VRK2: variants seen among roughly 807,000 people sequenced by gnomAD.
The protein encoded by VRK2 is VRK serine/threonine kinase 2.
A neutral mutation model predicts 57.6 loss-of-function variants in VRK2; 60 were observed. The observed-to-expected ratio is 1.04, with a 90% CI of 0.85 to 1.29. The LOEUF is 1.29. Among genes scored for constraint, VRK2 ranks in the 50% most tolerant of loss-of-function variants. The probability of loss-of-function intolerance (pLI) is 0.00; values close to 1 mark genes in which losing one functional copy is unlikely to be tolerated. For synonymous variants in VRK2, 231 were observed against 199.2 expected, an observed-to-expected ratio of 1.16 and a Z score of -1.35; for missense variants, 705 against 588.1, an observed-to-expected ratio of 1.20 and a Z score of -2.06.
At chr2:58,135,906 T>C (rs1171654984) in intron 10 of VRK2, among the ~76,000 whole-genome samples, 1 of 152,216 alleles carries the variant, frequency 6.6e-6, no homozygotes, top group Non-Finnish European at 1.5e-5. Context: ...AAAAAGCCAG[T>C]GCCCACTATC....
At chr2:58,140,706 G>A (rs1448072036) in intron 11 of VRK2, among the ~76,000 whole-genome samples, 1 of 151,986 alleles carries the variant, frequency 6.6e-6, no homozygotes, top group Non-Finnish European at 1.5e-5. Context: ...GTTCTGATTT[G>A]CTGAATTTTG....
intron 1 of VRK2, among the ~76,000 whole-genome samples, chr2:57,951,494 C>A (rs1671425641): frequency 6.6e-6 from 1 of 152,124 alleles, no homozygotes; most frequent in Non-Finnish European, 1.5e-5. Context: ...AGGATTGACT[C>A]CAATTTTGAA....
chr2:58,065,149 T>C (rs1357602695), intron 2 of VRK2, among the ~76,000 whole-genome samples: 1 of 151,798 alleles, frequency 6.6e-6, no homozygotes, highest in Non-Finnish European at 1.5e-5. Context: ...TCTTTTTTCT[T>C]ATTTATAAAA....
At chr2:58,076,859 A>G (rs1035630891) in intron 2 of VRK2, among the ~76,000 whole-genome samples, 8 of 151,866 alleles carry the variant, frequency 5.3e-5, no homozygotes, top group Admixed American at 2.0e-4. Flanking sequence ...TGTAACTTTT[A>G]ATTTTTAAAT....
chr2:57,940,005 G>A (rs2678892), intron 1 of VRK2, among the ~76,000 whole-genome samples: 96,351 of 151,428 alleles, frequency 0.64, 30,761 homozygotes, highest in African/African-American at 0.72. Context: ...AATTGTTCTC[G>A]AAATAGAAAT....
At chr2:57,928,463 G>C (rs1670614253) in intron 1 of VRK2, among the ~76,000 whole-genome samples, 1 of 151,938 alleles carries the variant, frequency 6.6e-6, no homozygotes, top group Non-Finnish European at 1.5e-5. Flanking sequence ...ATTTAATTGA[G>C]TTTCCTCAAA....
At chr2:58,106,093 C>A (rs887652459) in intron 7 of VRK2, among the ~76,000 whole-genome samples, 1 of 151,858 alleles carries the variant, frequency 6.6e-6, no homozygotes, top group Non-Finnish European at 1.5e-5. Context: ...TTCCCTCTTC[C>A]ATTGCTTTTT....
At chr2:58,066,905 G>A (rs1461224076) in intron 2 of VRK2, among the ~76,000 whole-genome samples, 2 of 152,168 alleles carry the variant, frequency 1.3e-5, no homozygotes, top group Non-Finnish European at 2.9e-5. Context: ...CCCTGGATAT[G>A]TCTGTGAGGG....
intron 1 of VRK2, among the ~76,000 whole-genome samples, chr2:57,952,863 G>C (rs1055271197): frequency 6.6e-6 from 1 of 152,042 alleles, no homozygotes; most frequent in Admixed American, 6.6e-5. Flanking sequence ...GTCTGCCATG[G>C]ATTTGACTGT....
rs571626827 is a variant in VRK2 at position 58,064,300 on chromosome 2, CGA to C, written c.136+15337_136+15338del. On this transcript the variant is annotated intron_variant, in intron 2 of 12. Transcript: ENST00000340157. The stretch of plus-strand genomic sequence containing the variant: ...GCTACAGAGAAATCTTTTGTGAGAG[CGA>C]GAGTCAATTGATGTGGCAAACTTCA... Among the ~76,000 whole-genome samples the C allele has an allele frequency of 1.4e-4, 21 of 152,082 alleles. No homozygotes were observed. In the East Asian group the frequency reaches 4.1e-3, roughly 29 times the overall value.
intron 8 of VRK2, among the ~76,000 whole-genome samples, chr2:58,127,989 C>G (rs781291372): frequency 6.6e-6 from 1 of 152,102 alleles, no homozygotes; most frequent in Non-Finnish European, 1.5e-5. Flanking sequence ...AAACCAAGGA[C>G]TAGTTCGCTA....
intron 1 of VRK2, among the ~76,000 whole-genome samples, chr2:57,935,345 C>T (rs547167868): frequency 2.2e-4 from 33 of 152,258 alleles, no homozygotes; most frequent in African/African-American, 7.2e-4. Flanking sequence ...ATTCTTAAGA[C>T]TGTATGCCTT....
intron 1 of VRK2, among the ~76,000 whole-genome samples, chr2:57,930,776 C>A (rs552832483): frequency 6.6e-6 from 1 of 152,246 alleles, no homozygotes; most frequent in Non-Finnish European, 1.5e-5. Context: ...CTAGCAACCA[C>A]CCCATCTATT....
chr2:58,119,367 G>A (rs1677057336), intron 7 of VRK2, among the ~76,000 whole-genome samples: 2 of 151,086 alleles, frequency 1.3e-5, no homozygotes, highest in South Asian at 4.2e-4. Context: ...AAATTAGCCA[G>A]GCATGGGGCT....
At chr2:58,086,937 C>CT (rs1311912774) in intron 5 of VRK2, among the ~76,000 whole-genome samples, 1 of 152,164 alleles carries the variant, frequency 6.6e-6, no homozygotes, top group Non-Finnish European at 1.5e-5. Context: ...ATCGCTTCTG[C>CT]TTTATTCTCT....
chr2:58,137,000 CATAT>C (rs1402304391), intron 10 of VRK2, among the ~76,000 whole-genome samples: 1 of 124,182 alleles, frequency 8.1e-6, no homozygotes, highest in Admixed American at 8.8e-5. Context: ...GTGTATATAT[CATAT>C]ATATTATATA....
At chr2:58,079,315 T>C (rs1670536770) in intron 2 of VRK2, among the ~76,000 whole-genome samples, 1 of 152,130 alleles carries the variant, frequency 6.6e-6, no homozygotes, top group Non-Finnish European at 1.5e-5. Context: ...ATTTTCCATT[T>C]ACAATTAATA....
chr2:58,072,308 T>C (rs1466482157), intron 2 of VRK2, among the ~76,000 whole-genome samples: 2 of 151,968 alleles, frequency 1.3e-5, no homozygotes, highest in African/African-American at 4.8e-5. Context: ...CAGTATGATA[T>C]TGAATAGAAG....
chr2:58,029,896 T>C (rs1457231508), intron 2 of VRK2, among the ~76,000 whole-genome samples: 2 of 152,188 alleles, frequency 1.3e-5, no homozygotes, highest in African/African-American at 4.8e-5. Context: ...TCTAGAGTTA[T>C]TGGCATGCCA....
Sources: allele counts gnomAD v4.1 joint callset (sites outside exome capture counted in the v4.1 genomes callset), GRCh38; gene constraint gnomAD v4.1.1; transcripts MANE v1.5; gene names NCBI Gene and HGNC (gene_info 2026-07-23, HGNC 2026-07-21).